Variants in IFT46 observed in about 807,000 individuals in gnomAD.
The protein encoded by IFT46 is intraflagellar transport protein 46 homolog.
A neutral mutation model predicts 39.6 loss-of-function variants in IFT46; 19 were observed. That is an observed-to-expected ratio of 0.48 (90% confidence interval 0.33 to 0.70). The LOEUF (loss-of-function observed/expected upper bound fraction) is 0.70. Among genes scored for constraint, IFT46 ranks in the 30% least tolerant of loss-of-function variants. The probability of loss-of-function intolerance (pLI) is 0.01; values close to 1 mark genes in which losing one functional copy is unlikely to be tolerated. For synonymous variants in IFT46, 117 were observed against 134.8 expected (o/e 0.87, Z 0.91); for missense variants, 334 against 364.8 (o/e 0.92, Z 0.69).
chr11:118,572,515 G>C, intron 1 of IFT46: 1 of 1,611,234 alleles, frequency 6.2e-7, no homozygotes, highest in Non-Finnish European at 8.5e-7. Flanking sequence ...CAGTGGAGCC[G>C]GAGTGCGGGC....
chr11:118,572,648 AG>A (rs1938373882), exon 1 of IFT46: 1 of 1,490,372 alleles, frequency 6.7e-7, no homozygotes. Flanking sequence ...CCCCGCCCTG[AG>A]GGTCTAGGGC....
chr11:118,545,691 C>G (rs1228899533), intron 10 of IFT46, 102 bp downstream of exon 10: 8 of 1,346,014 alleles, frequency 5.9e-6, no homozygotes, highest in Non-Finnish European at 8.5e-6. Context: ...AAAGTGAAGG[C>G]TGAAACTCAA....
chr11:118,552,960 C>G (rs1555068787), intron 7 of IFT46, among the ~76,000 whole-genome samples: 1 of 151,348 alleles, frequency 6.6e-6, no homozygotes, highest in Non-Finnish European at 1.5e-5. Flanking sequence ...TGGCACACAC[C>G]TGTGGTCTGT....
intron 5 of IFT46, 24 bp from the exon 6 acceptor site, chr11:118,555,107 G>T: frequency 6.3e-7 from 1 of 1,582,478 alleles, no homozygotes; most frequent in South Asian, 1.1e-5. Context: ...CCAAGGGAAG[G>T]TGGAGACAGT....
chr11:118,573,416 A>G (rs1938404280), upstream of IFT46, among the ~76,000 whole-genome samples: 1 of 152,162 alleles, frequency 6.6e-6, no homozygotes, highest in African/African-American at 2.4e-5. Flanking sequence ...AGGATGAGAA[A>G]GGTTAATGTG....
chr11:118,546,338 A>G, intron 9 of IFT46: 1 of 583,138 alleles, frequency 1.7e-6, no homozygotes. Flanking sequence ...TCTCTACAAA[A>G]AAATTAGCCG....
At position 118,557,953 on chromosome 11, in the gene IFT46, G is replaced by A. The variant is rs112890356; in HGVS notation, c.46-908C>T. 8,058 of 1,417,168 alleles carry A rather than the reference G, an allele frequency of 5.7e-3. 249 individuals carry two copies. In the African/African-American group the frequency reaches 0.08, roughly 14 times the overall value. 87.8% of individuals were successfully genotyped at this position (1,417,168 alleles called of 1,614,324 possible). A position where few individuals can be genotyped will look rare whatever the true frequency, so the allele number is the denominator to read the frequency against. ...TTTCAAAACTTGGTTTCTATATACC[G>A]TATGGCTTATACTGAGGTTAACACG... On this transcript the variant is annotated intron_variant, in intron 3 of 11. Transcript: ENST00000264021.
At chr11:118,549,551 A>G (rs1288296495) in intron 9 of IFT46, among the ~76,000 whole-genome samples, 12 of 144,742 alleles carry the variant, frequency 8.3e-5, no homozygotes, top group African/African-American at 1.0e-4. Flanking sequence ...TTTGAGACAG[A>G]GTCTCGCTCT....
At chr11:118,551,893 G>A (rs1555068566) in intron 8 of IFT46, 41 bp from the exon 9 acceptor site, 1 of 1,541,666 alleles carries the variant, frequency 6.5e-7, no homozygotes, top group Non-Finnish European at 9.0e-7. Context: ...AACGTGAACT[G>A]ATAACATCAG....
At chr11:118,550,949 C>T (rs997619595) in intron 9 of IFT46, among the ~76,000 whole-genome samples, 1 of 149,922 alleles carries the variant, frequency 6.7e-6, no homozygotes, top group African/African-American at 2.5e-5. Context: ...ATTGCTTGAA[C>T]CTGCGGGGGG....
intron 4 of IFT46, among the ~76,000 whole-genome samples, chr11:118,556,184 A>C (rs1359128066): frequency 2.6e-5 from 4 of 152,156 alleles, no homozygotes; most frequent in Admixed American, 2.6e-4. Flanking sequence ...CAGCATGCTC[A>C]GCTAATTTTT....
rs782683161 is a variant in IFT46, at chr11:118,556,951, G to C, written c.140C>G (p.Ser47Cys). ...DDDDDSSETD[S>C]DSDDDDEEHG... is the part of the protein sequence containing the mutation. ...CTCTTCATCATCATCATCAGAATCAGAATCAGTTTCAGATGAATCATCATC... is the reference window on the plus strand; with the variant it reads ...CTCTTCATCATCATCATCAGAATCACAATCAGTTTCAGATGAATCATCATC... The change falls in exon 4 of 12, where the codon TCT (serine) becomes TGT (cysteine). Residue 47 changes from serine (S) to cysteine (C), a missense_variant. By Grantham distance (112) the Ser-to-Cys change is moderately radical. Transcript: ENST00000264021. 3 of 1,609,374 alleles carry C rather than the reference G, an allele frequency of 1.9e-6. No individual in the cohort carries two copies. The highest frequency in any genetic ancestry group is 2.5e-6 in the Non-Finnish European group (3 of 1,177,466).
chr11:118,565,587 C>T (rs1382281368), intron 1 of IFT46: 1 of 152,292 alleles, frequency 6.6e-6, no homozygotes, highest in Non-Finnish European at 1.5e-5. Context: ...AAATCATCAC[C>T]TCCACTTTCA....
At chr11:118,563,725 C>T (rs1044693526) in intron 2 of IFT46, among the ~76,000 whole-genome samples, 2 of 152,236 alleles carry the variant, frequency 1.3e-5, no homozygotes, top group East Asian at 1.9e-4. Flanking sequence ...GGTAGTGTCC[C>T]CTCTACCATA....
chr11:118,549,968 G>A (rs1399601409), intron 9 of IFT46, among the ~76,000 whole-genome samples: 2 of 148,892 alleles, frequency 1.3e-5, no homozygotes, highest in Non-Finnish European at 3.0e-5. Context: ...CTATTACCCA[G>A]GCTGGAGTGT....
In IFT46 at chr11:118,561,478, T is replaced by C. The variant is rs1938053410; in HGVS notation, c.-35-1614A>G. On this transcript the variant is annotated intron_variant, in intron 2 of 11. Coordinates refer to ENST00000264021, the MANE Select transcript of IFT46 (RefSeq NM_001168618.2). ...GGCCCAAGAAAGAAGTTAAAAAGAA[T>C]AGGTGGAACTGTCCCAAAATGTCCC... 3 of 778,428 alleles carry C rather than the reference T, an allele frequency of 3.9e-6. No homozygotes were observed. The South Asian group carries it at 4.4e-5, about 11-fold the overall frequency. The allele number at this position is 778,428 out of a possible 1,614,324, so 48.2% of individuals were successfully genotyped here.
chr11:118,576,203 G>A (rs913948700), upstream of IFT46, among the ~76,000 whole-genome samples: 12 of 152,044 alleles, frequency 7.9e-5, no homozygotes, highest in East Asian at 2.1e-3. Context: ...AGTTAAGTCT[G>A]TGTAGGAGAG....
At chr11:118,572,987 C>T (rs1037909143), upstream of IFT46, 3 of 191,870 alleles carry the variant, frequency 1.6e-5, no homozygotes, top group East Asian at 3.9e-4. Context: ...TGTCTCCCAC[C>T]CCCGGTGTTT....
At position 118,544,910 on chromosome 11, in the gene IFT46, A is replaced by G. The variant is rs112784379; in HGVS notation, c.*6T>C. ...TCAGCCTTGAAACAGCAGCTTGGGA[A>G]GTGTCTCAGCTGAAGGTTAATGTCT... On this transcript the variant is annotated 3_prime_UTR_variant, in exon 12 of 12. Transcript: ENST00000264021. 2.7e-3 allele frequency: 4,377 copies of G among 1,602,288 alleles called. 112 individuals are homozygous for G. The African/African-American group carries it at 0.053, about 19-fold the overall frequency.
Sources: allele counts gnomAD v4.1 joint callset (sites outside exome capture counted in the v4.1 genomes callset), GRCh38; gene constraint gnomAD v4.1.1; transcripts MANE v1.5; gene names NCBI Gene and HGNC (gene_info 2026-07-23, HGNC 2026-07-21).